The following TRIOBP variants were observed in gnomAD, a reference collection of about 807,000 sequenced individuals.
The protein encoded by TRIOBP is TRIO and F-actin-binding protein.
In TRIOBP, 169 loss-of-function variants were observed where a neutral mutation model predicts 238.8. That is an observed-to-expected ratio of 0.71 (90% CI 0.62 to 0.80). The LOEUF (loss-of-function observed/expected upper bound fraction) is 0.80, where lower values mean the gene tolerates loss of function less well. Among genes scored for constraint, TRIOBP ranks in the 30% least tolerant of loss-of-function variants. TRIOBP has a pLI of 0.00. For missense variants in TRIOBP, 2,838 were observed against 3,122.6 expected (o/e 0.91, Z 2.17); for synonymous variants, 1,150 against 1,274.4 (o/e 0.90, Z 2.08).
chr22:37,735,579 A>T, intron 9 of TRIOBP, 137 bp downstream of exon 9: 2 of 1,019,746 alleles, frequency 2.0e-6, no homozygotes, highest in Middle Eastern at 3.0e-4. Flanking sequence ...CTCCCTGCTG[A>T]CCACAACCCA....
intron 11 of TRIOBP, among the ~76,000 whole-genome samples, chr22:37,744,552 G>A (rs140049894): frequency 1.6e-4 from 25 of 152,264 alleles, no homozygotes; most frequent in Non-Finnish European, 3.4e-4. Context: ...AGGAGGAGTC[G>A]CAGGGGCCAG....
Position 37,726,094 on chromosome 22 carries a change from C to T in TRIOBP, c.3538C>T (p.Gln1180Ter). 1 of 1,556,198 alleles carries T rather than the reference C, an allele frequency of 6.4e-7. No homozygotes were observed. The highest frequency in any genetic ancestry group is 8.7e-7 in the Non-Finnish European group (1 of 1,145,778). Residue 1180 changes from glutamine to a stop codon, truncating the protein, a stop_gained, in exon 7 of 24, where the codon CAG (glutamine) becomes TAG (stop). Transcript: ENST00000644935. LOFTEE classifies it high-confidence loss of function. ...ACCCTCCTTCTCATCCCCACCACGC[C>T]AGGCTCCTGAGCCATCCCTCTTCTT... ...DAPSFSSPPR[Q>*]APEPSLFFQD... is the part of the protein sequence containing the mutation.
At chr22:37,739,854 G>C (rs750628528) in intron 10 of TRIOBP, among the ~76,000 whole-genome samples, 1 of 152,142 alleles carries the variant, frequency 6.6e-6, no homozygotes, top group African/African-American at 2.4e-5. Context: ...CAGCAATGCC[G>C]GGGTGCCCCT....
intron 6 of TRIOBP, among the ~76,000 whole-genome samples, chr22:37,720,601 A>G (rs534947660): frequency 1.3e-5 from 2 of 152,202 alleles, no homozygotes; most frequent in African/African-American, 4.8e-5. Flanking sequence ...GGCTACTGCA[A>G]CCATCCAGGA....
At chr22:37,743,652 G>C (rs1398765399) in intron 11 of TRIOBP, among the ~76,000 whole-genome samples, 2 of 152,204 alleles carry the variant, frequency 1.3e-5, no homozygotes, top group Admixed American at 1.3e-4. Context: ...CACCACTTTA[G>C]TGGGGAAAGG....
intron 11 of TRIOBP, among the ~76,000 whole-genome samples, chr22:37,744,687 G>T (rs1159390139): frequency 2.0e-5 from 3 of 152,124 alleles, no homozygotes; most frequent in Non-Finnish European, 4.4e-5. Context: ...TGAGGTGCAA[G>T]GGTAGGGTGA....
rs1923947341 is a variant in TRIOBP, at chr22:37,723,614, A to G, written c.1058A>G (p.Asn353Ser). 6.2e-7 allele frequency: 1 copy of G among 1,613,886 alleles called. No homozygotes were observed. The highest frequency in any genetic ancestry group is 1.3e-5 in the African/African-American group (1 of 74,884). The change falls in exon 7 of 24, where the codon AAC (asparagine) becomes AGC (serine). Residue 353 changes from asparagine (N) to serine (S), a missense_variant. Asn to Ser is a conservative substitution (Grantham distance 46). Around this residue, in one of 5 missense-constraint regions of TRIOBP, gnomAD observed 535 missense variants for 537.3 expected, o/e 1.00. Transcript: ENST00000644935. ...SSPSRSTQLD[N>S]PRTSSTQQDN... ...CCCTCACGAAGCACCCAACTGGATA[A>G]CCCCAGAACCTCTTCTACCCAGCAG... is the stretch of plus-strand genomic sequence containing the variant.
At position 37,710,542 on chromosome 22, in the gene TRIOBP, C is replaced by G; in HGVS notation, c.230C>G (p.Pro77Arg). The change falls in exon 4 of 24, where the codon CCA (proline) becomes CGA (arginine). Residue 77 changes from proline (P) to arginine (R), a missense_variant. Coordinates refer to ENST00000644935, the MANE Select transcript of TRIOBP (RefSeq NM_001039141.3). ...STSGCQSVVDPGLRPGPKRGP... is the reference protein window; with the variant it reads ...STSGCQSVVDRGLRPGPKRGP... ...TCCGGCTGCCAGTCTGTGGTGGACC[C>G]AGGCCTCAGGCCAGGGCCCAAGAGG... 6.2e-7 allele frequency: 1 copy of G among 1,611,576 alleles called. No individual in the cohort carries two copies. The highest frequency in any genetic ancestry group is 8.5e-7 in the Non-Finnish European group (1 of 1,179,864).
chr22:37,769,202 A>C lies in TRIOBP; in HGVS notation c.6735+15A>C. The C allele has an allele frequency of 6.3e-7, 1 of 1,598,744 alleles. No homozygotes were observed. The highest frequency in any genetic ancestry group is 8.5e-7 in the Non-Finnish European group (1 of 1,172,888). The stretch of plus-strand genomic sequence containing the variant: ...GCCACAACCAGGTGGGCCTGGCCCC[A>C]GGTTGGGGGGACACGGGTGGGTCCC... On this transcript the variant is annotated intron_variant, in intron 20 of 23. Transcript: ENST00000644935.
rs1421674442 is a variant in TRIOBP, at chr22:37,775,859, A to G, written c.*2079A>G. 1 of 152,088 alleles carries G rather than the reference A, an allele frequency of 6.6e-6. No homozygotes were observed. Among genetic ancestry groups the G allele is most frequent in the Non-Finnish European group, 1.5e-5 (1 of 68,060 alleles). 9.4% of individuals were successfully genotyped at this position (152,088 alleles called of 1,614,324 possible). On this transcript the variant is annotated 3_prime_UTR_variant, in exon 24 of 24. Coordinates refer to ENST00000644935, the MANE Select transcript of TRIOBP (RefSeq NM_001039141.3). ...GGCCCTGTCGCCATCTTCCCTCATCAATAGCTAAAAATGGCAAAGAAGAAA... is the reference window on the plus strand; with the variant it reads ...GGCCCTGTCGCCATCTTCCCTCATCGATAGCTAAAAATGGCAAAGAAGAAA...
chr22:37,716,317 A>G (rs4820300), intron 6 of TRIOBP, among the ~76,000 whole-genome samples: 122,174 of 151,904 alleles, frequency 0.8, 51,402 homozygotes, highest in East Asian at 1. Context: ...TCACCATGTT[A>G]GCCCAGCTGG....
rs1922636461 is a variant in TRIOBP, at chr22:37,701,405, G to A, written c.40G>A (p.Glu14Lys). The stretch of plus-strand genomic sequence containing the variant: ...TGGGGATGCCCTGTGTGAACACTTT[G>A]AGGCCAACATACTTACCCAGAACCG... ...VPGDALCEHF[E>K]ANILTQNRCQ... is the part of the protein sequence containing the mutation. The change falls in exon 3 of 24, where the codon GAG (glutamate) becomes AAG (lysine). Residue 14 changes from glutamate (E) to lysine (K), a missense_variant. Coordinates refer to ENST00000644935, the MANE Select transcript of TRIOBP (RefSeq NM_001039141.3). 4 of 1,613,766 alleles carry A rather than the reference G, an allele frequency of 2.5e-6. No homozygotes were observed. Among genetic ancestry groups the A allele is most frequent in the Non-Finnish European group, 3.4e-6 (4 of 1,179,972 alleles).
rs117955278 is a variant in TRIOBP at position 37,746,192 on chromosome 22, G to T, written c.5322+5160G>T. ...CGGCTTCCCCGCCACCCATTGGCCC[G>T]CTCGGGTCCTCCCAGGAAGTTTGAA... On this transcript the variant is annotated intron_variant, in intron 11 of 23. Transcript: ENST00000644935. 31,741 of 1,038,002 alleles carry T rather than the reference G, an allele frequency of 0.031. 600 individuals are homozygous for T. The highest frequency in any genetic ancestry group is 0.075 in the South Asian group (1,706 of 22,638). The allele number at this position is 1,038,002 out of a possible 1,614,324, so 64.3% of individuals were successfully genotyped here. A position where few individuals can be genotyped will look rare whatever the true frequency, so the allele number is the denominator to read the frequency against.
chr22:37,746,460 G>T, intron 11 of TRIOBP: 1 of 1,411,196 alleles, frequency 7.1e-7, no homozygotes, highest in South Asian at 1.3e-5. Flanking sequence ...GAGGCCGGGA[G>T]AAGGGCGACG....
At position 37,769,324 on chromosome 22, in the gene TRIOBP, C is replaced by G; in HGVS notation, c.6798C>G (p.Gly2266=). The change falls in exon 21 of 24, where the codon GGC becomes GGG. Residue 2266 remains glycine, a synonymous_variant. Transcript: ENST00000644935. The part of the protein sequence containing the change: ...DQLRGFIASQ[G]MGNGCGRSNE... The stretch of plus-strand genomic sequence containing the variant: ...TGCGCGGCTTCATTGCCTCGCAGGG[C>G]ATGGGCAATGGCTGCGGGCGCAGCA... 1 of 1,611,882 alleles carries G rather than the reference C, an allele frequency of 6.2e-7. No individual in the cohort carries two copies. The highest frequency in any genetic ancestry group is 8.5e-7 in the Non-Finnish European group (1 of 1,179,498).
chr22:37,735,506 T>C (rs1264486334), intron 9 of TRIOBP, 64 bp downstream of exon 9: 1 of 1,525,508 alleles, frequency 6.6e-7, no homozygotes, highest in African/African-American at 1.4e-5. Context: ...CAAGTCTCCT[T>C]GGAAAAGCCT....
rs935572578 is a variant in TRIOBP at position 37,775,378 on chromosome 22, A to G, written c.*1598A>G. The G allele has an allele frequency of 6.6e-6, 1 of 152,076 alleles. No homozygotes were observed. Among genetic ancestry groups the G allele is most frequent in the Non-Finnish European group, 1.5e-5 (1 of 68,034 alleles). 9.4% of individuals were successfully genotyped at this position (152,076 alleles called of 1,614,324 possible). On this transcript the variant is annotated 3_prime_UTR_variant, in exon 24 of 24. Transcript: ENST00000644935. ...ATTGTTTCCCATTCCCTTGCCAGGG[A>G]TTGGTTGAGGAATGGACAAGGCTTG...
intron 21 of TRIOBP, among the ~76,000 whole-genome samples, chr22:37,770,265 G>A (rs13058615): frequency 0.25 from 37,087 of 147,786 alleles, 5,501 homozygotes; most frequent in South Asian, 0.41. Context: ...GTGAAACCCC[G>A]TCTCTACTAA....
At chr22:37,699,327 G>A (rs370333367) in intron 2 of TRIOBP, among the ~76,000 whole-genome samples, 2 of 151,990 alleles carry the variant, frequency 1.3e-5, no homozygotes, top group Non-Finnish European at 2.9e-5. Context: ...GGACCTGTGC[G>A]AGTTGGCAGT....
Sources: allele counts gnomAD v4.1 joint callset (sites outside exome capture counted in the v4.1 genomes callset), GRCh38; gene constraint gnomAD v4.1.1; regional missense constraint gnomAD v4.1.1; transcripts MANE v1.5; gene names NCBI Gene and HGNC (gene_info 2026-07-23, HGNC 2026-07-21).